Variants in MLLT3 observed in about 807,000 individuals in gnomAD.
MLLT3 encodes protein AF-9.
MLLT3 carries 4 observed loss-of-function variants against 53.2 expected under a neutral mutation model. The observed-to-expected ratio is 0.08, with a 90% CI of 0.04 to 0.17. The LOEUF is 0.17. MLLT3 is among the 10% of genes least tolerant of loss of function. MLLT3 has a pLI of 1.00. For synonymous variants in MLLT3, 283 were observed against 230.6 expected, an observed-to-expected ratio of 1.23 and a Z score of -2.06; for missense variants, 569 against 684.0, an observed-to-expected ratio of 0.83 and a Z score of 1.87.
At chr9:20,362,714 T>TC (rs1821356349) in intron 7 of MLLT3, 1 of 148,706 alleles carries the variant, frequency 6.7e-6, no homozygotes, top group Non-Finnish European at 1.5e-5. Flanking sequence ...CGCTTTTTTT[T>TC]TTTTTTTTTT....
chr9:20,455,197 TC>T (rs1367510593), intron 3 of MLLT3, among the ~76,000 whole-genome samples: 16 of 152,260 alleles, frequency 1.1e-4, no homozygotes, highest in African/African-American at 3.4e-4. Context: ...TGTCAACGAT[TC>T]AGTGGTATCA....
chr9:20,607,677 C>T (rs1236679855), intron 2 of MLLT3, among the ~76,000 whole-genome samples: 1 of 151,924 alleles, frequency 6.6e-6, no homozygotes, highest in Non-Finnish European at 1.5e-5. Context: ...AGGGAAAATG[C>T]CCTTATTTTT....
At chr9:20,512,038 C>T (rs1353540856) in intron 2 of MLLT3, among the ~76,000 whole-genome samples, 2 of 152,098 alleles carry the variant, frequency 1.3e-5, no homozygotes, top group African/African-American at 4.8e-5. Flanking sequence ...GAAAAAAGCC[C>T]CCAAGTCTGA....
intron 2 of MLLT3, among the ~76,000 whole-genome samples, chr9:20,536,173 AAAAACAAAACAAAAC>A (rs141799842): frequency 5.3e-5 from 8 of 150,552 alleles, no homozygotes; most frequent in Admixed American, 2.7e-4. Flanking sequence ...CAGCATCTTT[AAAAACAAAACAAAAC>A]AAAACAAAAC....
chr9:20,491,823 T>C (rs1029681340), intron 2 of MLLT3, among the ~76,000 whole-genome samples: 1 of 152,134 alleles, frequency 6.6e-6, no homozygotes, highest in African/African-American at 2.4e-5. Flanking sequence ...CTTTTCACCA[T>C]GAATTGTTGA....
intron 2 of MLLT3, among the ~76,000 whole-genome samples, chr9:20,593,738 G>A (rs1820184016): frequency 6.6e-6 from 1 of 152,166 alleles, no homozygotes; most frequent in Non-Finnish European, 1.5e-5. Context: ...AAAACTCTGA[G>A]GCAGTATTTT....
At chr9:20,526,893 G>A (rs757995642) in intron 2 of MLLT3, among the ~76,000 whole-genome samples, 1 of 152,146 alleles carries the variant, frequency 6.6e-6, no homozygotes, top group African/African-American at 2.4e-5. Context: ...GACTAATGAG[G>A]CTAGGCACCT....
At chr9:20,461,235 T>C (rs1383397743) in intron 2 of MLLT3, among the ~76,000 whole-genome samples, 5 of 152,178 alleles carry the variant, frequency 3.3e-5, no homozygotes, top group Non-Finnish European at 7.4e-5. Context: ...TTCCCTGAAA[T>C]GTCTTTTCAA....
chr9:20,577,270 T>C (rs1430118121), intron 2 of MLLT3, among the ~76,000 whole-genome samples: 1 of 152,152 alleles, frequency 6.6e-6, no homozygotes, highest in African/African-American at 2.4e-5. Context: ...AATGTTCAGA[T>C]GCACAAAAAA....
At chr9:20,480,008 T>C (rs1381992358) in intron 2 of MLLT3, among the ~76,000 whole-genome samples, 2 of 152,168 alleles carry the variant, frequency 1.3e-5, no homozygotes, top group East Asian at 3.9e-4. Flanking sequence ...CTGGTATTAC[T>C]GCAATATAAA....
At chr9:20,588,574 A>G (rs1421073344) in intron 2 of MLLT3, among the ~76,000 whole-genome samples, 1 of 152,018 alleles carries the variant, frequency 6.6e-6, no homozygotes, top group Admixed American at 6.5e-5. Context: ...TGTAAGTTGG[A>G]TTCCTAGGTA....
chr9:20,447,691 T>C (rs926744021), intron 4 of MLLT3, among the ~76,000 whole-genome samples: 3 of 152,118 alleles, frequency 2.0e-5, no homozygotes, highest in Non-Finnish European at 4.4e-5. Flanking sequence ...GTAGTATGAG[T>C]GAAGATACCT....
chr9:20,551,083 G>A (rs558597950), intron 2 of MLLT3, among the ~76,000 whole-genome samples: 1 of 152,286 alleles, frequency 6.6e-6, no homozygotes, highest in East Asian at 1.9e-4. Flanking sequence ...TCTTTAAATG[G>A]CCAATTCGGC....
chr9:20,495,568 T>C (rs1416448681), intron 2 of MLLT3, among the ~76,000 whole-genome samples: 6 of 152,208 alleles, frequency 3.9e-5, no homozygotes, highest in Non-Finnish European at 7.3e-5. Flanking sequence ...AAAACGTGTG[T>C]GGCTGATGCT....
chr9:20,621,920 T>TGA lies in MLLT3; in HGVS notation c.12+323_12+324dup. On this transcript the variant is annotated intron_variant, in intron 1 of 10. Transcript: ENST00000380338. The surrounding 1 kb of genome is among the most constrained non-coding windows in gnomAD (Gnocchi z 7.0). ...CTTCCACCGTGTGTGTGTGTGTGTG[T>TGA]GAGTGCGCGCGTGTGAGCGAGAGGG... 7.3e-7 allele frequency: 1 copy of TGA among 1,377,562 alleles called. No homozygotes were observed. Among genetic ancestry groups the TGA allele is most frequent in the Non-Finnish European group, 9.3e-7 (1 of 1,071,156 alleles). The allele number at this position is 1,377,562 out of a possible 1,614,324, so 85.3% of individuals were successfully genotyped here. A position where few individuals can be genotyped will look rare whatever the true frequency, so the allele number is the denominator to read the frequency against.
chr9:20,532,120 CG>C lies in MLLT3; in HGVS notation c.194-75335del, dbSNP rs551047278. On this transcript the variant is annotated intron_variant, in intron 2 of 10. Transcript: ENST00000380338. Reference sequence around the variant, plus strand: ...GGCCCCTAAATGTCATGGCCTCAAGCGAAACATTAAACCTTATCAGCCATCA... The same window carrying C: ...GGCCCCTAAATGTCATGGCCTCAAGCAAACATTAAACCTTATCAGCCATCA... Among the ~76,000 whole-genome samples the C allele has an allele frequency of 4.6e-5, 7 of 152,028 alleles. No homozygotes were observed. The South Asian group carries it at 1.5e-3, about 32-fold the overall frequency.
chr9:20,345,496 C>CT lies in MLLT3; in HGVS notation c.*946dup, dbSNP rs997770541. The CT allele has an allele frequency of 1.3e-4, 26 of 198,366 alleles. No individual in the cohort carries two copies. The highest frequency in any genetic ancestry group is 3.1e-4 in the East Asian group (4 of 12,782). 12.3% of individuals were successfully genotyped at this position (198,366 alleles called of 1,614,324 possible). On this transcript the variant is annotated 3_prime_UTR_variant, in exon 11 of 11. Coordinates refer to ENST00000380338, the MANE Select transcript of MLLT3 (RefSeq NM_004529.4). ...TTTTTTAGAAAACAGGACCAGAATTCTTTTTTTTTAAATGATGATCCTGTG... is the reference window on the plus strand; with the variant it reads ...TTTTTTAGAAAACAGGACCAGAATTCTTTTTTTTTTAAATGATGATCCTGTG...
rs181120000 is a variant in MLLT3, at chr9:20,473,731, C to G, written c.194-16945G>C. Among the ~76,000 whole-genome samples, 9 of 151,842 alleles carry G rather than the reference C, an allele frequency of 5.9e-5. No individual in the cohort carries two copies. The East Asian group carries it at 1.7e-3, about 29-fold the overall frequency. Reference sequence around the variant, plus strand: ...GCTATGAAAACCATTTAAAAAAAAGCAAAAGACAACAAAAAAACTAACTAT... The same window carrying G: ...GCTATGAAAACCATTTAAAAAAAAGGAAAAGACAACAAAAAAACTAACTAT... On this transcript the variant is annotated intron_variant, in intron 2 of 10. Coordinates refer to ENST00000380338, the MANE Select transcript of MLLT3 (RefSeq NM_004529.4).
At chr9:20,570,156 T>C (rs889300621) in intron 2 of MLLT3, among the ~76,000 whole-genome samples, 1 of 152,172 alleles carries the variant, frequency 6.6e-6, no homozygotes, top group Non-Finnish European at 1.5e-5. Flanking sequence ...CACTTAAAAT[T>C]CTAGACCTTG....
Sources: gnomAD v4.1 joint callset for allele counts (sites outside exome capture counted in the v4.1 genomes callset) on GRCh38, gnomAD v4.1.1 for gene constraint, Gnocchi (gnomAD v3.1) non-coding constraint, MANE v1.5 for transcripts, NCBI Gene and HGNC (gene_info 2026-07-23, HGNC 2026-07-21) for gene names.